FHIT: variants seen among roughly 807,000 people sequenced by gnomAD.
FHIT encodes the protein bis(5'-adenosyl)-triphosphatase.
FHIT carries 19 observed loss-of-function variants against 17.9 expected under a neutral mutation model. That is an observed-to-expected ratio of 1.06 (90% CI 0.74 to 1.56). The LOEUF is 1.56. Among genes scored for constraint, FHIT ranks in the 40% most tolerant of loss-of-function variants. The probability of loss-of-function intolerance (pLI) is 0.00; values close to 1 mark genes in which losing one functional copy is unlikely to be tolerated. For synonymous variants in FHIT, 81 were observed against 69.7 expected, an observed-to-expected ratio of 1.16 and a Z score of -0.81; for missense variants, 248 against 189.2, an observed-to-expected ratio of 1.31 and a Z score of -1.82.
At chr3:60,313,980 T>C (rs1709059284) in intron 5 of FHIT, among the ~76,000 whole-genome samples, 1 of 152,234 alleles carries the variant, frequency 6.6e-6, no homozygotes, top group South Asian at 2.1e-4. Flanking sequence ...TTGAAATCTT[T>C]TGATATGTTG....
chr3:59,771,109 G>A (rs543198962), intron 8 of FHIT, among the ~76,000 whole-genome samples: 32 of 152,238 alleles, frequency 2.1e-4, no homozygotes, highest in African/African-American at 6.0e-4. Flanking sequence ...TGAGGGTAGC[G>A]GGATTATTTT....
chr3:60,356,294 T>G (rs1312695415), intron 5 of FHIT, among the ~76,000 whole-genome samples: 1 of 152,112 alleles, frequency 6.6e-6, no homozygotes, highest in Non-Finnish European at 1.5e-5. Context: ...GTAGAACAGA[T>G]TGAGTTCAAC....
At chr3:60,387,561 C>T (rs1457609167) in intron 5 of FHIT, among the ~76,000 whole-genome samples, 1 of 152,102 alleles carries the variant, frequency 6.6e-6, no homozygotes, top group Non-Finnish European at 1.5e-5. Flanking sequence ...CAATAATCAT[C>T]ATCCTGAATT....
chr3:59,761,753 T>C (rs971903241), intron 8 of FHIT, among the ~76,000 whole-genome samples: 1 of 151,540 alleles, frequency 6.6e-6, no homozygotes, highest in African/African-American at 2.4e-5. Flanking sequence ...ACTACGGGAG[T>C]GCACCACCAC....
chr3:60,925,800 T>A (rs1242321229), intron 3 of FHIT, among the ~76,000 whole-genome samples: 1 of 152,160 alleles, frequency 6.6e-6, no homozygotes, highest in Non-Finnish European at 1.5e-5. Context: ...ATCAGTGTGC[T>A]GTATTCAGAC....
chr3:60,621,144 A>ATTTTTTT (rs11370683), intron 4 of FHIT, among the ~76,000 whole-genome samples: 14 of 95,070 alleles, frequency 1.5e-4, no homozygotes, highest in Admixed American at 2.6e-4. Context: ...TCTACTTTTG[A>ATTTTTTT]TTTTTTTTTT....
At chr3:61,116,985 A>G (rs1242785668) in intron 2 of FHIT, among the ~76,000 whole-genome samples, 1 of 152,196 alleles carries the variant, frequency 6.6e-6, no homozygotes, top group African/African-American at 2.4e-5. Context: ...ATGAATCATA[A>G]TATCAACCCA....
chr3:59,949,825 T>C (rs55815123), intron 7 of FHIT, among the ~76,000 whole-genome samples: 15,149 of 152,288 alleles, frequency 0.099, 934 homozygotes, highest in Admixed American at 0.14. Context: ...TCTAGCCTTA[T>C]ATTTAATTAG....
chr3:60,434,590 T>A (rs940370092), intron 5 of FHIT, among the ~76,000 whole-genome samples: 1 of 152,096 alleles, frequency 6.6e-6, no homozygotes, highest in African/African-American at 2.4e-5. Context: ...TGATGTACAT[T>A]ACCTTGTCTC....
intron 3 of FHIT, among the ~76,000 whole-genome samples, chr3:61,036,230 C>T (rs569265595): frequency 1.3e-5 from 2 of 152,086 alleles, no homozygotes; most frequent in Non-Finnish European, 2.9e-5. Context: ...TTCCACACAC[C>T]TTTGAACAGC....
At chr3:60,508,375 T>C (rs905228280) in intron 5 of FHIT, among the ~76,000 whole-genome samples, 2 of 152,188 alleles carry the variant, frequency 1.3e-5, no homozygotes, top group Non-Finnish European at 2.9e-5. Flanking sequence ...AATTTATCAA[T>C]TAGGTTTGAC....
chr3:61,015,977 A>G (rs576202589), intron 3 of FHIT, among the ~76,000 whole-genome samples: 44 of 152,308 alleles, frequency 2.9e-4, no homozygotes, highest in Non-Finnish European at 5.7e-4. Context: ...ACTATTTGCT[A>G]AAGTGTTCAA....
chr3:59,787,310 T>C (rs914009861), intron 8 of FHIT, among the ~76,000 whole-genome samples: 4 of 152,224 alleles, frequency 2.6e-5, no homozygotes, highest in African/African-American at 9.6e-5. Flanking sequence ...AGCATTTTTC[T>C]CTTTGAGTTG....
chr3:60,247,810 A>G (rs1254322232), intron 5 of FHIT, among the ~76,000 whole-genome samples: 1 of 152,162 alleles, frequency 6.6e-6, no homozygotes, highest in Non-Finnish European at 1.5e-5. Flanking sequence ...TACTTCACTG[A>G]GTTGTGACAA....
At chr3:60,577,068 T>C (rs2037593394) in intron 4 of FHIT, among the ~76,000 whole-genome samples, 1 of 152,020 alleles carries the variant, frequency 6.6e-6, no homozygotes, top group Non-Finnish European at 1.5e-5. Context: ...AAAAATTGTA[T>C]GCTGTTTTTC....
intron 2 of FHIT, among the ~76,000 whole-genome samples, chr3:61,060,720 A>T (rs989231864): frequency 6.6e-6 from 1 of 152,230 alleles, no homozygotes; most frequent in African/African-American, 2.4e-5. Flanking sequence ...TATTACATGA[A>T]CCTGCTCTGA....
At chr3:60,925,210 A>G (rs1707523360) in intron 3 of FHIT, among the ~76,000 whole-genome samples, 1 of 152,126 alleles carries the variant, frequency 6.6e-6, no homozygotes, top group Non-Finnish European at 1.5e-5. Context: ...TACAGAGAAC[A>G]CCACAAAGAT....
chr3:60,581,216 C>G (rs2037738908), intron 4 of FHIT, among the ~76,000 whole-genome samples: 1 of 152,126 alleles, frequency 6.6e-6, no homozygotes, highest in Non-Finnish European at 1.5e-5. Flanking sequence ...ATACGTAATT[C>G]TCATCCTCCC....
chr3:60,194,235 A>C (rs1465256677), intron 5 of FHIT, among the ~76,000 whole-genome samples: 1 of 152,222 alleles, frequency 6.6e-6, no homozygotes, highest in African/African-American at 2.4e-5. Context: ...GTATAAAAGT[A>C]GATTTATAGG....
Sources: allele counts gnomAD v4.1 joint callset (sites outside exome capture counted in the v4.1 genomes callset), GRCh38; gene constraint gnomAD v4.1.1; transcripts MANE v1.5; gene names NCBI Gene and HGNC (gene_info 2026-07-23, HGNC 2026-07-21).